The following VTI1A variants were observed in gnomAD, a reference collection of about 807,000 sequenced individuals.
The protein encoded by VTI1A is vesicle transport through interaction with t-SNAREs 1A, also known as vesicle transport through interaction with t-SNAREs homolog 1A.
A neutral mutation model predicts 34.9 loss-of-function variants in VTI1A; 22 were observed. The observed-to-expected ratio is 0.63, with a 90% confidence interval of 0.45 to 0.90. VTI1A has a LOEUF of 0.90. VTI1A is among the 40% of genes least tolerant of loss of function. The pLI is 0.00. For synonymous variants in VTI1A, 87 were observed against 97.3 expected (o/e 0.89, Z 0.62); for missense variants, 268 against 275.6 (o/e 0.97, Z 0.20).
At chr10:112,846,671 C>A in the VTI1A span, among the ~76,000 whole-genome samples, 2 of 150,100 alleles carry the variant, frequency 1.3e-5, no homozygotes, top group African/African-American at 4.9e-5. Flanking sequence ...GAGGCTGAGG[C>A]AGGAAAATCG....
At chr10:112,549,523 A>T (rs548501761) in intron 5 of VTI1A, among the ~76,000 whole-genome samples, 21 of 152,366 alleles carry the variant, frequency 1.4e-4, no homozygotes, top group African/African-American at 5.0e-4. Flanking sequence ...TTATTCTCCC[A>T]TATAGGGACA....
intron 5 of VTI1A, among the ~76,000 whole-genome samples, chr10:112,645,333 G>A (rs908047694): frequency 6.6e-6 from 1 of 152,178 alleles, no homozygotes; most frequent in South Asian, 2.1e-4. Flanking sequence ...ATTATGGGGT[G>A]TAAATGGGTA....
chr10:112,853,327 G>A, the VTI1A span, among the ~76,000 whole-genome samples: 88 of 152,188 alleles, frequency 5.8e-4, no homozygotes, highest in African/African-American at 2.1e-3. Context: ...GAGTCTTTAA[G>A]AATGAGTTTC....
At chr10:112,550,079 G>A (rs1467181786) in intron 5 of VTI1A, among the ~76,000 whole-genome samples, 3 of 152,138 alleles carry the variant, frequency 2.0e-5, no homozygotes, top group African/African-American at 7.2e-5. Flanking sequence ...CTGTTAAAAA[G>A]TGTTATACTC....
intron 4 of VTI1A, among the ~76,000 whole-genome samples, chr10:112,535,861 C>G (rs944815349): frequency 3.3e-5 from 5 of 152,152 alleles, no homozygotes; most frequent in Non-Finnish European, 5.9e-5. Context: ...GTTTCAAGAA[C>G]TTGATTTTAG....
chr10:112,641,376 A>C (rs1015760563), intron 5 of VTI1A, among the ~76,000 whole-genome samples: 4 of 152,186 alleles, frequency 2.6e-5, no homozygotes, highest in Non-Finnish European at 5.9e-5. Flanking sequence ...CTTACTTTGC[A>C]CAATGTGGAA....
At chr10:112,727,606 G>A (rs1590121898) in intron 7 of VTI1A, among the ~76,000 whole-genome samples, 1 of 152,030 alleles carries the variant, frequency 6.6e-6, no homozygotes, top group Non-Finnish European at 1.5e-5. Flanking sequence ...CTTTCGGGAC[G>A]GTTTGTATTT....
chr10:112,525,935 A>C (rs1850208183), intron 3 of VTI1A, among the ~76,000 whole-genome samples: 1 of 152,224 alleles, frequency 6.6e-6, no homozygotes, highest in South Asian at 2.1e-4. Flanking sequence ...GGAATTATTG[A>C]TAGTCCTTTT....
At chr10:112,798,058 GC>G (rs2134067918) in intron 7 of VTI1A, among the ~76,000 whole-genome samples, 1 of 151,942 alleles carries the variant, frequency 6.6e-6, no homozygotes, top group South Asian at 2.1e-4. Context: ...TAAACACCAG[GC>G]TCCAAAGCTT....
At chr10:112,736,377 C>G (rs1052013028) in intron 7 of VTI1A, among the ~76,000 whole-genome samples, 3 of 152,022 alleles carry the variant, frequency 2.0e-5, no homozygotes, top group Non-Finnish European at 4.4e-5. Context: ...TCACTAGTCT[C>G]TAGAACTACT....
the VTI1A span, among the ~76,000 whole-genome samples, chr10:112,850,292 GC>G: frequency 6.6e-6 from 1 of 151,078 alleles, no homozygotes; most frequent in Non-Finnish European, 1.5e-5. Context: ...ACAACAAAAA[GC>G]CTGGTGTGAT....
intron 7 of VTI1A, among the ~76,000 whole-genome samples, chr10:112,735,864 T>A (rs906261183): frequency 1.3e-5 from 2 of 151,928 alleles, no homozygotes; most frequent in East Asian, 1.9e-4. Flanking sequence ...AGACCTTTTT[T>A]AATTGCATTT....
At chr10:112,768,319 T>C (rs1217951309) in intron 7 of VTI1A, among the ~76,000 whole-genome samples, 1 of 152,174 alleles carries the variant, frequency 6.6e-6, no homozygotes, top group Non-Finnish European at 1.5e-5. Context: ...CTGGAGAGGC[T>C]TGGGATGAAT....
chr10:112,751,342 G>A lies in VTI1A; in HGVS notation c.561-63948G>A, dbSNP rs116416167. Among the ~76,000 whole-genome samples, 481 of 152,198 alleles carry A rather than the reference G, an allele frequency of 3.2e-3. 1 individual carries two copies. Among genetic ancestry groups the A allele is most frequent in the African/African-American group, 0.011 (444 of 41,526 alleles). On this transcript the variant is annotated intron_variant, in intron 7 of 7. Coordinates refer to ENST00000393077, the MANE Select transcript of VTI1A (RefSeq NM_145206.4). ...AGAGAGAGCAGGCTACTTGAGGGCA[G>A]GGAGTAGACCACCGCCATTTCTGTG...
At chr10:112,788,580 A>G (rs1320310286) in intron 7 of VTI1A, among the ~76,000 whole-genome samples, 1 of 152,172 alleles carries the variant, frequency 6.6e-6, no homozygotes, top group African/African-American at 2.4e-5. Context: ...TTTTATATCC[A>G]GTCTAACAAT....
At chr10:112,559,037 G>T (rs1051953959) in intron 5 of VTI1A, among the ~76,000 whole-genome samples, 2 of 152,138 alleles carry the variant, frequency 1.3e-5, no homozygotes, top group Admixed American at 1.3e-4. Flanking sequence ...GTGCCAATGG[G>T]CGCTTAAGTG....
At chr10:112,591,401 T>C (rs891416283) in intron 5 of VTI1A, among the ~76,000 whole-genome samples, 1 of 151,814 alleles carries the variant, frequency 6.6e-6, no homozygotes, top group South Asian at 2.1e-4. Flanking sequence ...GTGCCTGTAG[T>C]CCCAGCTACT....
At chr10:112,755,881 C>T (rs1210100668) in intron 7 of VTI1A, among the ~76,000 whole-genome samples, 1 of 152,176 alleles carries the variant, frequency 6.6e-6, no homozygotes, top group African/African-American at 2.4e-5. Context: ...TCTGGCTTGA[C>T]TTGCATACCA....
At chr10:112,665,741 G>A (rs1847620182) in intron 5 of VTI1A, among the ~76,000 whole-genome samples, 1 of 152,150 alleles carries the variant, frequency 6.6e-6, no homozygotes, top group African/African-American at 2.4e-5. Flanking sequence ...CTTCTCCAAT[G>A]CTACACTGGA....
Sources: allele counts gnomAD v4.1 joint callset (sites outside exome capture counted in the v4.1 genomes callset), GRCh38; gene constraint gnomAD v4.1.1; transcripts MANE v1.5; gene names NCBI Gene and HGNC (gene_info 2026-07-23, HGNC 2026-07-21).